The following NEDD4L variants were observed in gnomAD, a reference collection of about 807,000 sequenced individuals.
NEDD4L encodes NEDD4 like E3 ubiquitin protein ligase, also known as E3 ubiquitin-protein ligase NEDD4-like.
Under a neutral mutation model 148.9 loss-of-function variants are expected in NEDD4L, and 54 were observed. That is an observed-to-expected ratio of 0.36 (90% CI 0.29 to 0.45). NEDD4L has a LOEUF of 0.45. Ranked by LOEUF, NEDD4L falls within the 20% of genes least tolerant of loss-of-function variation. NEDD4L has a pLI of 1.00. For synonymous variants in NEDD4L, 433 were observed against 440.7 expected (o/e 0.98, Z 0.22); for missense variants, 856 against 1,233.8 (o/e 0.69, Z 4.59).
At chr18:58,157,627 A>G (rs145284337) in intron 1 of NEDD4L, among the ~76,000 whole-genome samples, 6 of 152,110 alleles carry the variant, frequency 3.9e-5, no homozygotes, top group Non-Finnish European at 7.4e-5. Context: ...TTGGTTTCGC[A>G]TTTTGACTGT....
chr18:58,068,848 C>T (rs1032050392), intron 1 of NEDD4L, among the ~76,000 whole-genome samples: 2 of 152,084 alleles, frequency 1.3e-5, no homozygotes, highest in African/African-American at 2.4e-5. Flanking sequence ...TGGAAAGAAG[C>T]GTTCCTGGCC....
At chr18:58,079,686 G>A (rs79842379) in intron 1 of NEDD4L, among the ~76,000 whole-genome samples, 6,551 of 152,286 alleles carry the variant, frequency 0.043, 466 homozygotes, top group African/African-American at 0.15. Flanking sequence ...AAGAATGAGA[G>A]TTGGTGGGGA....
chr18:58,185,391 AC>A (rs1036008905), intron 2 of NEDD4L, among the ~76,000 whole-genome samples: 2 of 152,254 alleles, frequency 1.3e-5, no homozygotes, highest in African/African-American at 4.8e-5. Flanking sequence ...CATTTCATCA[AC>A]CCCAAACTGG....
At chr18:58,304,753 T>C (rs538778899) in intron 5 of NEDD4L, among the ~76,000 whole-genome samples, 1 of 152,324 alleles carries the variant, frequency 6.6e-6, no homozygotes, top group South Asian at 2.1e-4. Flanking sequence ...TCCCCATCAC[T>C]GATGATGTTC....
chr18:58,383,787 T>G (rs1255247847), intron 25 of NEDD4L, among the ~76,000 whole-genome samples: 1 of 152,208 alleles, frequency 6.6e-6, no homozygotes, highest in African/African-American at 2.4e-5. Context: ...AAGGAATTCT[T>G]TCTGGTATTT....
intron 23 of NEDD4L, among the ~76,000 whole-genome samples, chr18:58,371,045 A>T (rs1004370942): frequency 3.7e-4 from 55 of 150,226 alleles, no homozygotes; most frequent in Non-Finnish European, 5.8e-4. Context: ...TTTTTTTTTT[A>T]TTTTTTTTAT....
intron 1 of NEDD4L, among the ~76,000 whole-genome samples, chr18:58,129,273 G>A (rs972799357): frequency 1.6e-4 from 25 of 152,220 alleles, no homozygotes; most frequent in African/African-American, 5.3e-4. Flanking sequence ...TCAGTTATCA[G>A]TGGTGTGAGA....
intron 1 of NEDD4L, among the ~76,000 whole-genome samples, chr18:58,162,395 C>CA (rs2036330194): frequency 3.3e-5 from 5 of 152,144 alleles, no homozygotes; most frequent in Middle Eastern, 3.4e-3. Context: ...CTGCAACTCC[C>CA]AGCCCTGCCG....
chr18:58,145,495 G>A (rs1035604589), intron 1 of NEDD4L, among the ~76,000 whole-genome samples: 4 of 152,112 alleles, frequency 2.6e-5, no homozygotes, highest in Non-Finnish European at 5.9e-5. Context: ...ACACCAAATT[G>A]TGAGGATTGA....
intron 16 of NEDD4L, 81 bp downstream of exon 16, chr18:58,343,184 T>G: frequency 7.4e-7 from 1 of 1,350,522 alleles, no homozygotes; most frequent in Non-Finnish European, 1.0e-6. Context: ...TGTTTGTAGT[T>G]CTTGCAGAGG....
chr18:58,258,343 C>T (rs879939249), intron 5 of NEDD4L, among the ~76,000 whole-genome samples: 1 of 152,106 alleles, frequency 6.6e-6, no homozygotes, highest in African/African-American at 2.4e-5. Flanking sequence ...GACCACTTAC[C>T]GCATGAAGAT....
intron 24 of NEDD4L, among the ~76,000 whole-genome samples, chr18:58,375,382 A>G (rs182551136): frequency 5.9e-4 from 89 of 152,072 alleles, no homozygotes; most frequent in African/African-American, 2.0e-3. Flanking sequence ...CTTATGGACT[A>G]TTTCTGAAAT....
intron 11 of NEDD4L, among the ~76,000 whole-genome samples, chr18:58,333,167 A>G (rs2041244249): frequency 6.6e-6 from 1 of 151,852 alleles, no homozygotes. Flanking sequence ...AGTCCCAGCT[A>G]CTCAGGAGGC....
chr18:58,390,148 T>G (rs2049615684), intron 28 of NEDD4L: 1 of 152,958 alleles, frequency 6.5e-6, no homozygotes, highest in African/African-American at 2.4e-5. Flanking sequence ...ATAATGCAGA[T>G]ATGTAAGATA....
chr18:58,083,557 G>A (rs983871112), intron 1 of NEDD4L, among the ~76,000 whole-genome samples: 5 of 152,032 alleles, frequency 3.3e-5, no homozygotes, highest in African/African-American at 9.7e-5. Flanking sequence ...GCGTGGTGGC[G>A]GGTGCCTGTA....
At chr18:58,093,942 G>A (rs942913665) in intron 1 of NEDD4L, among the ~76,000 whole-genome samples, 1 of 152,198 alleles carries the variant, frequency 6.6e-6, no homozygotes, top group African/African-American at 2.4e-5. Context: ...AGCTCCAGGG[G>A]CTTCCAGAGT....
chr18:58,074,431 TGTA>T (rs1374234571), intron 1 of NEDD4L, among the ~76,000 whole-genome samples: 5 of 127,090 alleles, frequency 3.9e-5, no homozygotes, highest in African/African-American at 1.9e-4. Flanking sequence ...GCTAATTTTT[TGTA>T]TTTTTTTTTT....
At chr18:58,381,650 C>G (rs561980923) in intron 24 of NEDD4L, among the ~76,000 whole-genome samples, 1 of 152,266 alleles carries the variant, frequency 6.6e-6, no homozygotes, top group South Asian at 2.1e-4. Context: ...TGACGTGGAT[C>G]TGATAAGAAA....
intron 1 of NEDD4L, among the ~76,000 whole-genome samples, chr18:58,157,185 CAAAA>C (rs59302556): frequency 4.5e-5 from 4 of 89,306 alleles, no homozygotes; most frequent in African/African-American, 3.6e-5. Flanking sequence ...GACCTTGTCT[CAAAA>C]AAAAAAAAAA....
Sources: gnomAD v4.1 joint callset for allele counts (sites outside exome capture counted in the v4.1 genomes callset) on GRCh38, gnomAD v4.1.1 for gene constraint, MANE v1.5 for transcripts, NCBI Gene and HGNC (gene_info 2026-07-23, HGNC 2026-07-21) for gene names.